RAP1B: variants seen among roughly 807,000 people sequenced by gnomAD.
The protein encoded by RAP1B is ras-related protein Rap-1b.
A neutral mutation model predicts 27.5 loss-of-function variants in RAP1B; 1 was observed. That is an observed-to-expected ratio of 0.04 (90% confidence interval 0.01 to 0.17). The LOEUF (loss-of-function observed/expected upper bound fraction) is 0.17, where lower values mean the gene tolerates loss of function less well. Among genes scored for constraint, RAP1B ranks in the 10% least tolerant of loss-of-function variants. The pLI, the probability that RAP1B is intolerant of heterozygous loss-of-function variation, is 1.00. For missense variants in RAP1B, 84 were observed against 214.8 expected (o/e 0.39, Z 3.81); for synonymous variants, 75 against 73.1 (o/e 1.03, Z -0.13).
In RAP1B at chr12:68,666,988, G is replaced by A. The variant is rs1478670142; in HGVS notation, c.*7739G>A. ...TACAGTTCCAGAAGCAACATACTGGGTATGGAATATTGTTAACCATTGTCA... is the reference window on the plus strand; with the variant it reads ...TACAGTTCCAGAAGCAACATACTGGATATGGAATATTGTTAACCATTGTCA... On this transcript the variant is annotated 3_prime_UTR_variant, in exon 8 of 8. Transcript: ENST00000250559. 2 of 152,144 alleles carry A rather than the reference G, an allele frequency of 1.3e-5. No individual in the cohort carries two copies. The highest frequency in any genetic ancestry group is 2.9e-5 in the Non-Finnish European group (2 of 68,026). 9.4% of individuals were successfully genotyped at this position (152,144 alleles called of 1,614,324 possible).
chr12:68,640,633 T>A (rs989639060), intron 1 of RAP1B, among the ~76,000 whole-genome samples: 1 of 152,244 alleles, frequency 6.6e-6, no homozygotes, highest in African/African-American at 2.4e-5. Flanking sequence ...AAGAATTTTC[T>A]TTTTAATACA....
intron 1 of RAP1B, among the ~76,000 whole-genome samples, chr12:68,618,007 C>T (rs544764577): frequency 5.3e-5 from 8 of 151,846 alleles, no homozygotes; most frequent in Non-Finnish European, 1.0e-4. Flanking sequence ...AAGTAATCTG[C>T]CCGCCTCCAC....
intron 1 of RAP1B, among the ~76,000 whole-genome samples, chr12:68,627,737 T>C (rs187240323): frequency 6.6e-6 from 1 of 152,258 alleles, no homozygotes; most frequent in African/African-American, 2.4e-5. Context: ...TTAATTTATC[T>C]TTAGAGAGAC....
intron 1 of RAP1B, among the ~76,000 whole-genome samples, chr12:68,617,381 G>T (rs1048996697): frequency 2.0e-5 from 3 of 152,172 alleles, no homozygotes; most frequent in African/African-American, 4.8e-5. Flanking sequence ...ATAGCAAAAT[G>T]CAGGAATTCC....
At chr12:68,634,155 CA>C (rs1324702052) in intron 1 of RAP1B, among the ~76,000 whole-genome samples, 1 of 152,080 alleles carries the variant, frequency 6.6e-6, no homozygotes, top group Non-Finnish European at 1.5e-5. Flanking sequence ...GTGTCTTAAG[CA>C]CTATAAACAC....
chr12:68,637,489 C>T (rs914118758), intron 1 of RAP1B, among the ~76,000 whole-genome samples: 5 of 147,980 alleles, frequency 3.4e-5, no homozygotes, highest in African/African-American at 1.2e-4. Context: ...CCCAGCTGCT[C>T]GGGAGGCTGA....
At chr12:68,643,407 TATAAG>T (rs1205164715) in intron 1 of RAP1B, among the ~76,000 whole-genome samples, 2 of 152,222 alleles carry the variant, frequency 1.3e-5, no homozygotes, top group East Asian at 1.9e-4. Flanking sequence ...ATTGCATTGA[TATAAG>T]ATAGGTATTT....
At chr12:68,630,833 AC>A (rs1872181133) in intron 1 of RAP1B, among the ~76,000 whole-genome samples, 2 of 151,858 alleles carry the variant, frequency 1.3e-5, no homozygotes, top group Non-Finnish European at 2.9e-5. Context: ...GGCGCAGGCC[AC>A]CACGCCTGGC....
chr12:68,654,544 T>C (rs928729107), intron 5 of RAP1B, among the ~76,000 whole-genome samples: 3 of 151,792 alleles, frequency 2.0e-5, no homozygotes, highest in Non-Finnish European at 4.4e-5. Flanking sequence ...CAGGCTGAAG[T>C]GCTGTGGTGC....
At chr12:68,650,490 C>T in intron 3 of RAP1B, 22 bp downstream of exon 3, 1 of 1,444,410 alleles carries the variant, frequency 6.9e-7, no homozygotes, top group Non-Finnish European at 9.2e-7. Flanking sequence ...TTTGGAAGGC[C>T]TTTTGCTTTT....
intron 7 of RAP1B, among the ~76,000 whole-genome samples, chr12:68,658,848 A>G (rs952539282): frequency 3.9e-5 from 6 of 152,350 alleles, no homozygotes; most frequent in African/African-American, 9.6e-5. Context: ...TGTGCATTCT[A>G]TACTTATGAT....
At chr12:68,631,238 T>G (rs1048550426) in intron 1 of RAP1B, among the ~76,000 whole-genome samples, 2 of 152,176 alleles carry the variant, frequency 1.3e-5, no homozygotes, top group African/African-American at 4.8e-5. Flanking sequence ...AAGCTGAAAT[T>G]ACCAGTTTCT....
chr12:68,653,389 A>C (rs998309792), intron 4 of RAP1B, among the ~76,000 whole-genome samples: 15 of 152,180 alleles, frequency 9.9e-5, no homozygotes, highest in African/African-American at 2.7e-4. Context: ...AAATGCTCAC[A>C]GTCTAGCAAA....
chr12:68,629,664 A>G (rs1326072273), intron 1 of RAP1B, among the ~76,000 whole-genome samples: 2 of 152,138 alleles, frequency 1.3e-5, no homozygotes, highest in Non-Finnish European at 2.9e-5. Context: ...TTCCCTTTAT[A>G]TATACTGTTT....
intron 1 of RAP1B, among the ~76,000 whole-genome samples, chr12:68,625,793 G>T (rs1017108291): frequency 6.6e-6 from 1 of 151,942 alleles, no homozygotes; most frequent in East Asian, 1.9e-4. Flanking sequence ...GTGGTGGCGC[G>T]CACCTGTAGT....
intron 1 of RAP1B, among the ~76,000 whole-genome samples, chr12:68,618,968 T>C (rs980757263): frequency 2.7e-5 from 4 of 150,240 alleles, no homozygotes; most frequent in Non-Finnish European, 5.9e-5. Flanking sequence ...AAAGTTAGTG[T>C]GGTCATGCAC....
intron 1 of RAP1B, among the ~76,000 whole-genome samples, chr12:68,638,473 T>C (rs565371057): frequency 1.6e-4 from 24 of 152,352 alleles, no homozygotes; most frequent in Admixed American, 1.3e-3. Flanking sequence ...GTGCATACTT[T>C]AGGAGTAAGG....
intron 1 of RAP1B, among the ~76,000 whole-genome samples, chr12:68,612,579 A>G (rs780054485): frequency 1.3e-5 from 2 of 152,220 alleles, no homozygotes; most frequent in Non-Finnish European, 2.9e-5. Flanking sequence ...AAGAAATACA[A>G]CGTTTTTATA....
At chr12:68,629,115 T>A (rs547958520) in intron 1 of RAP1B, among the ~76,000 whole-genome samples, 1 of 152,148 alleles carries the variant, frequency 6.6e-6, no homozygotes, top group African/African-American at 2.4e-5. Flanking sequence ...GCCTCCTGAG[T>A]AGCTAGGGCC....
Sources: allele counts gnomAD v4.1 joint callset (sites outside exome capture counted in the v4.1 genomes callset), GRCh38; gene constraint gnomAD v4.1.1; transcripts MANE v1.5; gene names NCBI Gene and HGNC (gene_info 2026-07-23, HGNC 2026-07-21).